GNAL: variants seen among roughly 807,000 people sequenced by gnomAD.
GNAL encodes guanine nucleotide-binding protein G(olf) subunit alpha.
Under a neutral mutation model 55.1 loss-of-function variants are expected in GNAL, and 18 were observed. The observed-to-expected ratio is 0.33, with a 90% CI of 0.23 to 0.48. GNAL has a LOEUF of 0.48. Ranked by LOEUF, GNAL falls within the 20% of genes least tolerant of loss-of-function variation. GNAL has a pLI of 0.99. For missense variants in GNAL, 412 were observed against 614.1 expected (o/e 0.67, Z 3.48); for synonymous variants, 253 against 237.0 (o/e 1.07, Z -0.62).
chr18:11,877,222 G>C (rs529693217), intron 11 of GNAL, among the ~76,000 whole-genome samples: 4 of 152,228 alleles, frequency 2.6e-5, no homozygotes, highest in African/African-American at 9.6e-5. Flanking sequence ...GGGAGGCTGA[G>C]GCAGATGGAT....
At chr18:11,750,422 T>G (rs2032789731) in intron 1 of GNAL, among the ~76,000 whole-genome samples, 1 of 149,542 alleles carries the variant, frequency 6.7e-6, no homozygotes. Flanking sequence ...GTGGGCAGAG[T>G]ATGGAGGATG....
chr18:11,766,176 G>A (rs2033400322), intron 4 of GNAL, among the ~76,000 whole-genome samples: 1 of 152,176 alleles, frequency 6.6e-6, no homozygotes, highest in East Asian at 1.9e-4. Flanking sequence ...TAATGAAGTT[G>A]TTCTTGAGGA....
At chr18:11,775,487 C>G (rs2033757304) in intron 4 of GNAL, among the ~76,000 whole-genome samples, 1 of 152,248 alleles carries the variant, frequency 6.6e-6, no homozygotes, top group Non-Finnish European at 1.5e-5. Context: ...GCCCGTGTCA[C>G]ACAGCATGTG....
At chr18:11,743,473 G>A (rs1347907749) in intron 1 of GNAL, among the ~76,000 whole-genome samples, 1 of 152,088 alleles carries the variant, frequency 6.6e-6, no homozygotes, top group Non-Finnish European at 1.5e-5. Context: ...AAAAGTCAGG[G>A]TATCTAGAAC....
Position 11,752,332 on chromosome 18 carries a change from C to G in GNAL, c.377-521C>G. On this transcript the variant is annotated intron_variant, in intron 1 of 11. Transcript: ENST00000334049. This position sits in a 1 kb window ranked among gnomAD's most constrained non-coding sequence, Gnocchi z 4.5. ...GAGACCAGACCATCTCTTTCAGCAG[C>G]AGGAAAGAGAGGAGCCGTCGCAGGA... 6.7e-7 allele frequency: 1 copy of G among 1,481,654 alleles called. No homozygotes were observed. The highest frequency in any genetic ancestry group is 2.6e-5 in the East Asian group (1 of 38,082). The allele number at this position is 1,481,654 out of a possible 1,614,324, so 91.8% of individuals were successfully genotyped here.
In GNAL at chr18:11,824,990, T is replaced by A; in HGVS notation, c.697T>A (p.Tyr233Asn). Residue 233 changes from tyrosine (Y) to asparagine (N), a missense_variant, in exon 5 of 12, where the codon TAC becomes AAC. Physicochemically the swap from Tyr to Asn is moderately radical, Grantham distance 143 (BLOSUM62 -2). Transcript: ENST00000334049. ...VKACFERSNEYQLIDCAQYFL... is the reference protein window; with the variant it reads ...VKACFERSNENQLIDCAQYFL... ...GGCATGCTTTGAGAGATCCAACGAATACCAGCTGATTGACTGTGCACAATA... is the reference window on the plus strand; with the variant it reads ...GGCATGCTTTGAGAGATCCAACGAAAACCAGCTGATTGACTGTGCACAATA... The A allele has an allele frequency of 6.3e-7, 1 of 1,598,720 alleles. No individual in the cohort carries two copies. The highest frequency in any genetic ancestry group is 8.6e-7 in the Non-Finnish European group (1 of 1,167,146).
chr18:11,801,899 A>AT (rs1385265638), intron 4 of GNAL, among the ~76,000 whole-genome samples: 6 of 152,174 alleles, frequency 3.9e-5, no homozygotes, highest in African/African-American at 1.4e-4. Flanking sequence ...TAAGATGTGC[A>AT]TTAGACACCT....
intron 5 of GNAL, among the ~76,000 whole-genome samples, chr18:11,861,207 T>C: frequency 6.6e-6 from 1 of 152,134 alleles, no homozygotes; most frequent in East Asian, 1.9e-4. Flanking sequence ...GGGCCTCCCG[T>C]CAACGCCAGC....
intron 1 of GNAL, among the ~76,000 whole-genome samples, chr18:11,698,384 G>A (rs1319765490): frequency 4.6e-5 from 7 of 151,772 alleles, no homozygotes; most frequent in Non-Finnish European, 8.8e-5. Flanking sequence ...CCAGCTACTT[G>A]GGAGGCTGAG....
intron 5 of GNAL, among the ~76,000 whole-genome samples, chr18:11,848,912 T>C (rs1259057911): frequency 1.3e-5 from 2 of 152,256 alleles, no homozygotes; most frequent in Non-Finnish European, 2.9e-5. Flanking sequence ...CCCATTGCCT[T>C]ATTACTGGTC....
chr18:11,858,038 T>G (rs1441731950), intron 5 of GNAL, among the ~76,000 whole-genome samples: 1 of 152,222 alleles, frequency 6.6e-6, no homozygotes, highest in Non-Finnish European at 1.5e-5. Flanking sequence ...TCCAGTAGTT[T>G]GATTACAAAG....
intron 4 of GNAL, among the ~76,000 whole-genome samples, chr18:11,757,941 G>A (rs1332965490): frequency 1.3e-5 from 2 of 152,144 alleles, no homozygotes; most frequent in Non-Finnish European, 2.9e-5. Flanking sequence ...GTGAGTGGGT[G>A]CAGGTGGCGG....
At chr18:11,700,287 T>G (rs912948516) in intron 1 of GNAL, among the ~76,000 whole-genome samples, 1 of 152,224 alleles carries the variant, frequency 6.6e-6, no homozygotes, top group Non-Finnish European at 1.5e-5. Context: ...AAGCATCATT[T>G]AAAGACTTTT....
At chr18:11,768,708 C>T (rs991957948) in intron 4 of GNAL, among the ~76,000 whole-genome samples, 3 of 150,584 alleles carry the variant, frequency 2.0e-5, no homozygotes, top group Non-Finnish European at 3.0e-5. Context: ...TCCTGGCTAA[C>T]ATGGTGAAAC....
chr18:11,754,996 GTA>G (rs1181632229), intron 4 of GNAL, among the ~76,000 whole-genome samples: 107 of 75,392 alleles, frequency 1.4e-3, no homozygotes, highest in African/African-American at 3.8e-3. Context: ...AAGTGAGTGT[GTA>G]TGTGTGTGTG....
In GNAL at chr18:11,881,464, CAGTT is replaced by C. The variant is rs1264023131; in HGVS notation, c.*330_*333del. 1 of 224,910 alleles carries C rather than the reference CAGTT, an allele frequency of 4.4e-6. No homozygotes were observed. Among genetic ancestry groups the C allele is most frequent in the Non-Finnish European group, 8.9e-6 (1 of 112,672 alleles). 13.9% of individuals were successfully genotyped at this position (224,910 alleles called of 1,614,324 possible). A position where few individuals can be genotyped will look rare whatever the true frequency, so the allele number is the denominator to read the frequency against. On this transcript the variant is annotated 3_prime_UTR_variant, in exon 12 of 12. Coordinates refer to ENST00000334049, the MANE Select transcript of GNAL (RefSeq NM_182978.4). The surrounding 1 kb of genome is among the most constrained non-coding windows in gnomAD (Gnocchi z 4.8). ...GAACTTGGTAGATGGGGAGAAAACA[CAGTT>C]GGTTTTTTTTTCCACGTTATCAACC... is the stretch of plus-strand genomic sequence containing the variant.
At chr18:11,851,122 T>G (rs1247139190) in intron 5 of GNAL, among the ~76,000 whole-genome samples, 1 of 152,206 alleles carries the variant, frequency 6.6e-6, no homozygotes, top group African/African-American at 2.4e-5. Flanking sequence ...TCTCCACAGA[T>G]CCTGTCTACT....
intron 5 of GNAL, among the ~76,000 whole-genome samples, chr18:11,848,511 C>T (rs1458209782): frequency 6.7e-6 from 1 of 149,548 alleles, no homozygotes; most frequent in Non-Finnish European, 1.5e-5. Flanking sequence ...GGCTGTAGTG[C>T]ACTGGCGTGA....
intron 10 of GNAL, among the ~76,000 whole-genome samples, chr18:11,873,406 C>T (rs1431355188): frequency 6.6e-6 from 1 of 152,182 alleles, no homozygotes; most frequent in Non-Finnish European, 1.5e-5. Flanking sequence ...CTACTGCTAT[C>T]ACCTGTGTCA....
Sources: gnomAD v4.1 joint callset for allele counts (sites outside exome capture counted in the v4.1 genomes callset) on GRCh38, gnomAD v4.1.1 for gene constraint, Gnocchi (gnomAD v3.1) non-coding constraint, MANE v1.5 for transcripts, NCBI Gene and HGNC (gene_info 2026-07-23, HGNC 2026-07-21) for gene names.